The following HMGA2 variants were observed in gnomAD, a reference collection of about 807,000 sequenced individuals.
HMGA2 encodes the protein high mobility group AT-hook 2.
Under a neutral mutation model 19.1 loss-of-function variants are expected in HMGA2, and 8 were observed. That is an observed-to-expected ratio of 0.42 (90% CI 0.25 to 0.76). The LOEUF (loss-of-function observed/expected upper bound fraction) is 0.76, where lower values mean the gene tolerates loss of function less well. Ranked by LOEUF, HMGA2 falls within the 30% of genes least tolerant of loss-of-function variation. The pLI is 0.28. For missense variants in HMGA2, 109 were observed against 136.3 expected (o/e 0.80, Z 1.00); for synonymous variants, 60 against 48.8 (o/e 1.23, Z -0.96).
intron 3 of HMGA2, among the ~76,000 whole-genome samples, chr12:65,845,483 G>A (rs1871195978): frequency 6.6e-6 from 1 of 152,060 alleles, no homozygotes; most frequent in South Asian, 2.1e-4. Context: ...TGGCCAGGCT[G>A]GTCTTGAACT....
At chr12:65,850,706 T>C (rs769129641) in intron 3 of HMGA2, among the ~76,000 whole-genome samples, 2 of 152,230 alleles carry the variant, frequency 1.3e-5, no homozygotes, top group Non-Finnish European at 2.9e-5. Flanking sequence ...TGTTTTATCC[T>C]GTGCTTTTAT....
intron 3 of HMGA2, among the ~76,000 whole-genome samples, chr12:65,877,676 T>C (rs1339435244): frequency 6.6e-6 from 1 of 152,156 alleles, no homozygotes; most frequent in African/African-American, 2.4e-5. Context: ...GCCCAGTGCT[T>C]TGAAGAGAGC....
chr12:65,926,506 GT>G (rs1875510627), intron 3 of HMGA2, among the ~76,000 whole-genome samples: 1 of 152,224 alleles, frequency 6.6e-6, no homozygotes, highest in Non-Finnish European at 1.5e-5. Flanking sequence ...ATAGTAGCAA[GT>G]TTTTCTCTAA....
chr12:65,945,216 G>C (rs113907683), intron 3 of HMGA2, among the ~76,000 whole-genome samples: 1 of 151,284 alleles, frequency 6.6e-6, no homozygotes, highest in Non-Finnish European at 1.5e-5. Context: ...TAAAAGGTGT[G>C]GGGGAGGTTC....
intron 2 of HMGA2, among the ~76,000 whole-genome samples, chr12:65,832,857 A>G (rs1870537874): frequency 6.6e-6 from 1 of 152,072 alleles, no homozygotes. Flanking sequence ...TGTGATCAAT[A>G]GCAATGATCT....
In HMGA2 at chr12:65,838,571, T is replaced by C; in HGVS notation, c.249+2T>C. 6.2e-7 allele frequency: 1 copy of C among 1,600,568 alleles called. No individual in the cohort carries two copies. The highest frequency in any genetic ancestry group is 8.6e-7 in the Non-Finnish European group (1 of 1,168,732). On this transcript the variant is annotated splice_donor_variant, in intron 3 of 4. Transcript: ENST00000403681. LOFTEE classifies it high-confidence loss of function. ...CCAAGAGGCAGACCTAGGAAATGGG[T>C]GAGTAATAAGATATAATTTTTCTTC... is the stretch of plus-strand genomic sequence containing the variant.
At chr12:65,842,338 T>C in intron 3 of HMGA2, 1 of 606,886 alleles carries the variant, frequency 1.6e-6, no homozygotes, top group East Asian at 3.0e-5. Flanking sequence ...TAGGTAGTGC[T>C]CAGTAAATGT....
chr12:65,879,401 A>AT (rs1271847309), intron 3 of HMGA2, among the ~76,000 whole-genome samples: 5 of 152,084 alleles, frequency 3.3e-5, no homozygotes, highest in Admixed American at 3.3e-4. Flanking sequence ...AAGTGCTGGG[A>AT]TTACAGGTGT....
At chr12:65,929,887 T>G (rs1348759719) in intron 3 of HMGA2, among the ~76,000 whole-genome samples, 1 of 152,122 alleles carries the variant, frequency 6.6e-6, no homozygotes, top group East Asian at 1.9e-4. Context: ...TTTTGTAATG[T>G]GTCAAGACAG....
chr12:65,885,115 T>A (rs1392250812), intron 3 of HMGA2, among the ~76,000 whole-genome samples: 4 of 152,250 alleles, frequency 2.6e-5, no homozygotes, highest in African/African-American at 4.8e-5. Flanking sequence ...GTAAGTAGTT[T>A]CTGTTTATTT....
chr12:65,934,992 T>A (rs1875842619), intron 3 of HMGA2: 1 of 152,224 alleles, frequency 6.6e-6, no homozygotes. Flanking sequence ...AGTGATGGCT[T>A]CTGAACTGAA....
chr12:65,842,222 C>G (rs1163097642), intron 3 of HMGA2: 7 of 680,310 alleles, frequency 1.0e-5, no homozygotes, highest in Non-Finnish European at 1.2e-5. Context: ...AATCACATGA[C>G]CTTTAAAGGT....
Position 65,825,415 on chromosome 12 carries a change from A to G in HMGA2, c.111+34A>G. 1 of 1,437,824 alleles carries G rather than the reference A, an allele frequency of 7.0e-7. No individual in the cohort carries two copies. Among genetic ancestry groups the G allele is most frequent in the Non-Finnish European group, 9.3e-7 (1 of 1,076,808 alleles). 89.1% of individuals were successfully genotyped at this position (1,437,824 alleles called of 1,614,324 possible). Reference sequence around the variant, plus strand: ...GAGGGCGCGGTGGGGGCACCAGCCCACCCCGTCCCCACTGCCGGGGCCCAG... The same window carrying G: ...GAGGGCGCGGTGGGGGCACCAGCCCGCCCCGTCCCCACTGCCGGGGCCCAG... On this transcript the variant is annotated intron_variant, in intron 1 of 4. Transcript: ENST00000403681. The surrounding 1 kb of genome is among the most constrained non-coding windows in gnomAD (Gnocchi z 4.4).
intron 3 of HMGA2, among the ~76,000 whole-genome samples, chr12:65,846,115 T>C (rs1386993714): frequency 1.3e-5 from 2 of 152,252 alleles, no homozygotes; most frequent in Non-Finnish European, 2.9e-5. Context: ...CCCCCAACCC[T>C]GTCCTCAGGA....
rs1454859316 is a variant in HMGA2 at position 65,964,594 on chromosome 12, T to G, written c.*1302T>G. 9.3e-6 allele frequency: 2 copies of G among 215,698 alleles called. No homozygotes were observed. Among genetic ancestry groups the G allele is most frequent in the Non-Finnish European group, 1.9e-5 (2 of 106,916 alleles). The allele number at this position is 215,698 out of a possible 1,614,324, so 13.4% of individuals were successfully genotyped here. On this transcript the variant is annotated 3_prime_UTR_variant, in exon 5 of 5. Coordinates refer to ENST00000403681, the MANE Select transcript of HMGA2 (RefSeq NM_003483.6). ...AATTTACAGTCTAGTACTTATTACATGCTGCTATACACAAGCAATGCAAGA... is the reference window on the plus strand; with the variant it reads ...AATTTACAGTCTAGTACTTATTACAGGCTGCTATACACAAGCAATGCAAGA...
intron 2 of HMGA2, among the ~76,000 whole-genome samples, chr12:65,831,467 A>G (rs953796285): frequency 7.2e-5 from 11 of 151,804 alleles, no homozygotes; most frequent in African/African-American, 2.7e-4. Flanking sequence ...AAAAAAAAAG[A>G]TCTCAGGTGT....
chr12:65,929,875 A>G (rs1162400762), intron 3 of HMGA2, among the ~76,000 whole-genome samples: 3 of 152,154 alleles, frequency 2.0e-5, no homozygotes, highest in African/African-American at 4.8e-5. Flanking sequence ...AGTTGAATGC[A>G]TTTTTGTAAT....
At chr12:65,958,283 G>GT (rs976229573) in intron 4 of HMGA2, 2 of 152,104 alleles carry the variant, frequency 1.3e-5, no homozygotes, top group African/African-American at 4.8e-5. Context: ...ACAAGATCAG[G>GT]TACAATTGCT....
chr12:65,917,345 C>T (rs1436776101), intron 3 of HMGA2, among the ~76,000 whole-genome samples: 2 of 152,176 alleles, frequency 1.3e-5, no homozygotes, highest in African/African-American at 4.8e-5. Context: ...AAGTAAGAAG[C>T]CATGGTGTTT....
Sources: gnomAD v4.1 joint callset for allele counts (sites outside exome capture counted in the v4.1 genomes callset) on GRCh38, gnomAD v4.1.1 for gene constraint, Gnocchi (gnomAD v3.1) non-coding constraint, MANE v1.5 for transcripts, NCBI Gene and HGNC (gene_info 2026-07-23, HGNC 2026-07-21) for gene names.